Variants in ACACA observed in about 807,000 individuals in gnomAD.
ACACA encodes acetyl-CoA carboxylase 1.
In ACACA, 103 loss-of-function variants were observed where a neutral mutation model predicts 296.1. The observed-to-expected ratio is 0.35, with a 90% CI of 0.30 to 0.41. ACACA has a LOEUF of 0.41. Ranked by LOEUF, ACACA falls within the 10% of genes least tolerant of loss-of-function variation. The probability of loss-of-function intolerance (pLI) is 1.00; values close to 1 mark genes in which losing one functional copy is unlikely to be tolerated. For missense variants in ACACA, 1,554 were observed against 2,989.7 expected (o/e 0.52, Z 11.20); for synonymous variants, 953 against 1,038.6 (o/e 0.92, Z 1.58).
chr17:37,165,228 G>T (rs1400615234), intron 41 of ACACA, among the ~76,000 whole-genome samples: 4 of 150,048 alleles, frequency 2.7e-5, no homozygotes, highest in Admixed American at 1.4e-4. Flanking sequence ...GAGGTAGCAT[G>T]ATGGACAAAC....
At chr17:37,091,100 ACT>A (rs1054895039) in intron 54 of ACACA, among the ~76,000 whole-genome samples, 2 of 152,146 alleles carry the variant, frequency 1.3e-5, no homozygotes, top group African/African-American at 4.8e-5. Flanking sequence ...GCTTAAGATA[ACT>A]CTCCTTGATT....
chr17:37,352,143 C>T (rs555414341), intron 1 of ACACA, among the ~76,000 whole-genome samples: 55 of 151,174 alleles, frequency 3.6e-4, no homozygotes, highest in African/African-American at 1.3e-3. Flanking sequence ...TGGTCTCGAT[C>T]TCCTGACCTT....
At chr17:37,253,855 C>A (rs1434539722) in intron 14 of ACACA, among the ~76,000 whole-genome samples, 1 of 152,044 alleles carries the variant, frequency 6.6e-6, no homozygotes, top group Non-Finnish European at 1.5e-5. Context: ...TACAGTAAAG[C>A]AACTCTCTGG....
At chr17:37,306,640 AATGT>A (rs1445620335) in intron 3 of ACACA, among the ~76,000 whole-genome samples, 1 of 152,036 alleles carries the variant, frequency 6.6e-6, no homozygotes, top group African/African-American at 2.4e-5. Context: ...AGTGTTATAT[AATGT>A]ATGTACTTTA....
intron 1 of ACACA, chr17:37,377,948 G>C (rs755516172): frequency 7.4e-6 from 12 of 1,613,542 alleles, no homozygotes; most frequent in Admixed American, 1.7e-5. Flanking sequence ...AGAAGCATCA[G>C]AGAATTGCAA....
chr17:37,133,787 AAC>A (rs1005348975), intron 45 of ACACA, among the ~76,000 whole-genome samples: 1 of 152,244 alleles, frequency 6.6e-6, no homozygotes, highest in Non-Finnish European at 1.5e-5. Flanking sequence ...TAATCATTTA[AAC>A]ACAGGAGTGA....
At chr17:37,111,269 A>T (rs1006773862) in intron 52 of ACACA, among the ~76,000 whole-genome samples, 6 of 152,116 alleles carry the variant, frequency 3.9e-5, no homozygotes, top group African/African-American at 1.4e-4. Context: ...CTCTACAAGG[A>T]CATCTTAGAA....
intron 42 of ACACA, among the ~76,000 whole-genome samples, chr17:37,161,383 CAG>C (rs2076454035): frequency 6.6e-6 from 1 of 152,096 alleles, no homozygotes; most frequent in Non-Finnish European, 1.5e-5. Context: ...AGAGGAGAGA[CAG>C]ATCTCAAGGT....
intron 3 of ACACA, among the ~76,000 whole-genome samples, chr17:37,310,513 G>A (rs559601373): frequency 3.3e-5 from 5 of 152,138 alleles, no homozygotes; most frequent in African/African-American, 1.2e-4. Flanking sequence ...AGAAAATGTG[G>A]CTGGGTACAG....
chr17:37,237,112 G>A (rs1251736146), intron 24 of ACACA, among the ~76,000 whole-genome samples: 2 of 151,860 alleles, frequency 1.3e-5, no homozygotes, highest in Non-Finnish European at 2.9e-5. Flanking sequence ...TTTTGAACCT[G>A]AAAAAAATGG....
At chr17:37,117,257 T>C (rs565375020) in intron 50 of ACACA, among the ~76,000 whole-genome samples, 1 of 152,344 alleles carries the variant, frequency 6.6e-6, no homozygotes, top group East Asian at 1.9e-4. Context: ...ATACACAAGC[T>C]ACATATACAT....
intron 29 of ACACA, among the ~76,000 whole-genome samples, chr17:37,220,357 TC>T (rs1462914322): frequency 2.0e-5 from 3 of 151,974 alleles, no homozygotes; most frequent in Admixed American, 2.0e-4. Context: ...TGACTACAAA[TC>T]ACTGCCCAAA....
chr17:37,272,574 A>AG (rs780209349), intron 9 of ACACA, among the ~76,000 whole-genome samples: 63 of 152,172 alleles, frequency 4.1e-4, no homozygotes, highest in Admixed American at 9.8e-4. Flanking sequence ...TAAAAAAAAA[A>AG]GGGGGTATCC....
At chr17:37,135,912 C>CTTT (rs746761290) in intron 45 of ACACA, among the ~76,000 whole-genome samples, 2 of 137,722 alleles carry the variant, frequency 1.5e-5, no homozygotes, top group Non-Finnish European at 3.2e-5. Flanking sequence ...AACAGGAATT[C>CTTT]TTTTTTTTTT....
At chr17:37,239,965 A>G (rs2080309528) in intron 24 of ACACA, among the ~76,000 whole-genome samples, 1 of 152,226 alleles carries the variant, frequency 6.6e-6, no homozygotes, top group South Asian at 2.1e-4. Flanking sequence ...AGGTTATTTC[A>G]CACTTAAGAG....
chr17:37,291,080 C>CAAA (rs57643200), intron 3 of ACACA, among the ~76,000 whole-genome samples: 51 of 85,196 alleles, frequency 6.0e-4, no homozygotes, highest in African/African-American at 2.0e-3. Flanking sequence ...GACTCTGTCT[C>CAAA]AAAAAAAAAA....
chr17:37,332,952 C>A (rs2047952813), intron 2 of ACACA, among the ~76,000 whole-genome samples: 2 of 151,262 alleles, frequency 1.3e-5, no homozygotes, highest in African/African-American at 4.9e-5. Flanking sequence ...CAATTGTGGA[C>A]CTTTTAGAGG....
rs1227402957 is a variant in ACACA at position 37,202,704 on chromosome 17, TATATATATAC to T, written c.4057-2231_4057-2222del. Among the ~76,000 whole-genome samples the T allele has an allele frequency of 9.1e-4, 19 of 20,858 alleles. No individual in the cohort carries two copies. The South Asian group carries it at 0.016, about 18-fold the overall frequency. The allele number at this position is 20,858 out of a possible 152,430, so 13.7% of individuals were successfully genotyped here. On this transcript the variant is annotated intron_variant, in intron 33 of 55. Coordinates refer to ENST00000616317, the MANE Select transcript of ACACA (RefSeq NM_198834.3). ...ATATATATATATATATATATATATATATATATATACACACACACATATATTTTAACAAGGA... is the reference window on the plus strand; with the variant it reads ...ATATATATATATATATATATATATATACACACACATATATTTTAACAAGGA...
intron 1 of ACACA, among the ~76,000 whole-genome samples, chr17:37,404,099 G>C (rs1342910067): frequency 6.6e-6 from 1 of 152,160 alleles, no homozygotes; most frequent in African/African-American, 2.4e-5. Context: ...TTAACGACTA[G>C]ATCTCAGTAT....
Sources: gnomAD v4.1 joint callset for allele counts (sites outside exome capture counted in the v4.1 genomes callset) on GRCh38, gnomAD v4.1.1 for gene constraint, MANE v1.5 for transcripts, NCBI Gene and HGNC (gene_info 2026-07-23, HGNC 2026-07-21) for gene names.